The following IFFO1 variants were observed in gnomAD, a reference collection of about 807,000 sequenced individuals.
IFFO1 encodes non-homologous end joining factor IFFO1.
In IFFO1, 42 loss-of-function variants were observed where a neutral mutation model predicts 59.6. The ratio of observed to expected loss-of-function variants is 0.70; its 90% CI spans 0.55 to 0.91. The LOEUF is 0.91. IFFO1 is among the 40% of genes least tolerant of loss of function. IFFO1 has a pLI of 0.00. For missense variants in IFFO1, 711 were observed against 793.2 expected, an observed-to-expected ratio of 0.90 and a Z score of 1.24; for synonymous variants, 336 against 342.8, an observed-to-expected ratio of 0.98 and a Z score of 0.22.
In IFFO1 at chr12:6,550,764, C is replaced by A; in HGVS notation, c.861G>T (p.Gln287His). 1.2e-6 allele frequency: 2 copies of A among 1,614,216 alleles called. No individual in the cohort carries two copies. Among genetic ancestry groups the A allele is most frequent in the Non-Finnish European group, 1.7e-6 (2 of 1,180,024 alleles). ...QEEAQEADAC[Q>H]EELALKVEQL... Reference sequence around the variant, plus strand: ...GTTCCACCTTCAGTGCCAGCTCCTCCTGGCAGGCATCAGCCTCCTGGGCTT... The same window carrying A: ...GTTCCACCTTCAGTGCCAGCTCCTCATGGCAGGCATCAGCCTCCTGGGCTT... The change falls in exon 3 of 10, where the codon CAG becomes CAT. Residue 287 changes from glutamine to histidine, a missense_variant. Physicochemically the swap from Gln to His is conservative, Grantham distance 24 (BLOSUM62 0). Around this residue, in one of 3 missense-constraint regions of IFFO1, gnomAD observed 579 missense variants for 650.3 expected, o/e 0.89. Transcript: ENST00000619571.
rs930652091 is a variant in IFFO1 at position 6,540,343 on chromosome 12, G to T, written c.*140C>A. ...GGAGAAGCCAAGACTGAGGGAGAAAGCCTGAGGGAGGAGCGCCCCAGTCCC... is the reference window on the plus strand; with the variant it reads ...GGAGAAGCCAAGACTGAGGGAGAAATCCTGAGGGAGGAGCGCCCCAGTCCC... On this transcript the variant is annotated 3_prime_UTR_variant, in exon 10 of 10. Coordinates refer to ENST00000619571, the MANE Select transcript of IFFO1 (RefSeq NM_001193457.2). 1.3e-5 allele frequency: 9 copies of T among 717,830 alleles called. No homozygotes were observed. The Admixed American group carries it at 1.3e-4, about 10-fold the overall frequency. 44.5% of individuals were successfully genotyped at this position (717,830 alleles called of 1,614,324 possible).
At position 6,549,636 on chromosome 12, in the gene IFFO1, C is replaced by T. The variant is rs1947145280; in HGVS notation, c.1071+120G>A. On this transcript the variant is annotated intron_variant, in intron 4 of 9. Transcript: ENST00000619571. The surrounding 1 kb of genome is among the most constrained non-coding windows in gnomAD (Gnocchi z 5.0). The stretch of plus-strand genomic sequence containing the variant: ...ACCCCCCAGTCTAGCCCCGTGAGGG[C>T]CCCAGTTGCCAGGTAAGGCTCCCCA... 4.9e-6 allele frequency: 7 copies of T among 1,428,534 alleles called. No individual in the cohort carries two copies. In the Admixed American group the frequency reaches 9.4e-5, roughly 19 times the overall value. The allele number at this position is 1,428,534 out of a possible 1,614,324, so 88.5% of individuals were successfully genotyped here.
At chr12:6,542,263 C>G (rs1264172547) in intron 8 of IFFO1, among the ~76,000 whole-genome samples, 3 of 152,230 alleles carry the variant, frequency 2.0e-5, no homozygotes, top group Non-Finnish European at 4.4e-5. Context: ...GCCATTGATT[C>G]TGAGACCTGT....
rs905549172 is a variant in IFFO1 at position 6,551,491 on chromosome 12, C to T, written c.774-490G>A. On this transcript the variant is annotated intron_variant, in intron 1 of 9. Transcript: ENST00000619571. ...CCTGCCTCTTGTGGTATCATTTAAC[C>T]CTGTAAAAGCATCTGCAGGACACAT... 3 of 1,290,430 alleles carry T rather than the reference C, an allele frequency of 2.3e-6. No individual in the cohort carries two copies. The African/African-American group carries it at 4.6e-5, about 20-fold the overall frequency. 79.9% of individuals were successfully genotyped at this position (1,290,430 alleles called of 1,614,324 possible). A position where few individuals can be genotyped will look rare whatever the true frequency, so the allele number is the denominator to read the frequency against.
intron 1 of IFFO1, 140 bp from the exon 2 acceptor site, chr12:6,551,141 T>A: frequency 1.2e-6 from 1 of 823,244 alleles, no homozygotes; most frequent in Non-Finnish European, 1.9e-6. Flanking sequence ...GGCACAGGAA[T>A]GCCTGGCCAG....
Position 6,549,072 on chromosome 12 carries a change from GAGA to G in IFFO1, c.1081-226_1081-224del, listed in dbSNP as rs373080473. 480 of 582,462 alleles carry G rather than the reference GAGA, an allele frequency of 8.2e-4. 3 individuals are homozygous for G. Among genetic ancestry groups the G allele is most frequent in the African/African-American group, 6.7e-3 (360 of 53,502 alleles). 36.1% of individuals were successfully genotyped at this position (582,462 alleles called of 1,614,324 possible). A position where few individuals can be genotyped will look rare whatever the true frequency, so the allele number is the denominator to read the frequency against. ...CGAGAAGGCAGAACAAGAAGAAATC[GAGA>G]AGAAGAGCAGTCAGACAAGGAAGGA... On this transcript the variant is annotated intron_variant, in intron 5 of 9. Transcript: ENST00000619571. The surrounding 1 kb of genome is among the most constrained non-coding windows in gnomAD (Gnocchi z 5.0).
rs1356932350 is a variant in IFFO1 at position 6,549,177 on chromosome 12, T to C, written c.1080+299A>G. ...TTTTTCTAAAAAAAGTCTTTTTGAT[T>C]AAATGACTCAACTAAAAAAAAAAAA... On this transcript the variant is annotated intron_variant, in intron 5 of 9. Transcript: ENST00000619571. The surrounding 1 kb of genome is among the most constrained non-coding windows in gnomAD (Gnocchi z 5.0). 8.0e-6 allele frequency: 4 copies of C among 499,144 alleles called. No individual in the cohort carries two copies. Among genetic ancestry groups the C allele is most frequent in the Admixed American group, 7.8e-5 (2 of 25,764 alleles). The allele number at this position is 499,144 out of a possible 1,614,324, so 30.9% of individuals were successfully genotyped here.
Position 6,552,350 on chromosome 12 carries a change from T to C in IFFO1, c.774-1349A>G, listed in dbSNP as rs933572828. Among the ~76,000 whole-genome samples the C allele has an allele frequency of 1.2e-4, 18 of 152,216 alleles. No individual in the cohort carries two copies. In the East Asian group the frequency reaches 3.5e-3, roughly 29 times the overall value. ...GAGGCAGCCAGCCCAGCCACCACCC[T>C]GCTGGCTCCCCACACAGCCCAGCTC... On this transcript the variant is annotated intron_variant, in intron 1 of 9. Coordinates refer to ENST00000619571, the MANE Select transcript of IFFO1 (RefSeq NM_001193457.2).
rs578039031 is a variant in IFFO1 at position 6,540,518 on chromosome 12, C to T, written c.1681G>A (p.Asp561Asn). ...PPPPSEAEDS[D>N]RDVSSDSSMR ...GAGCTGTCAGATGAGACATCGCGAT[C>T]GGAGTCCTCAGCCTCGCTTGGCGGC... The change falls in exon 10 of 10, where the codon GAT becomes AAT. Residue 561 changes from aspartate to asparagine, a missense_variant. This residue lies in a region of IFFO1 where 579 missense variants were observed against 650.3 expected (regional missense o/e 0.89). Coordinates refer to ENST00000619571, the MANE Select transcript of IFFO1 (RefSeq NM_001193457.2). The T allele has an allele frequency of 4.8e-5, 78 of 1,614,096 alleles. 1 individual carries two copies. Among genetic ancestry groups the T allele is most frequent in the Admixed American group, 6.7e-5 (4 of 60,024 alleles).
In IFFO1 at chr12:6,550,508, G is replaced by C. The variant is rs1002523121; in HGVS notation, c.930+187C>G. On this transcript the variant is annotated intron_variant, in intron 3 of 9. Coordinates refer to ENST00000619571, the MANE Select transcript of IFFO1 (RefSeq NM_001193457.2). ...TCAGAAGCTGCGCCACCTCTGTGACGCAACACCGAGACTTTTGTTGCTTGT... is the reference window on the plus strand; with the variant it reads ...TCAGAAGCTGCGCCACCTCTGTGACCCAACACCGAGACTTTTGTTGCTTGT... 1.9e-5 allele frequency: 11 copies of C among 589,392 alleles called. No homozygotes were observed. The Admixed American group carries it at 3.0e-4, about 16-fold the overall frequency. 36.5% of individuals were successfully genotyped at this position (589,392 alleles called of 1,614,324 possible). A position where few individuals can be genotyped will look rare whatever the true frequency, so the allele number is the denominator to read the frequency against.
chr12:6,546,483 T>C (rs1484994917), intron 8 of IFFO1, among the ~76,000 whole-genome samples: 1 of 152,166 alleles, frequency 6.6e-6, no homozygotes, highest in East Asian at 1.9e-4. Flanking sequence ...CAAATCCTTC[T>C]TCCTTTGTTT....
chr12:6,549,830 G>A lies in IFFO1; in HGVS notation c.997C>T (p.Arg333Cys), dbSNP rs758037048. ...CAGAGCTTGGCGGTGATGTCGATGCGGCGGCAGATGTCCATATCCACCTTC... is the reference window on the plus strand; with the variant it reads ...CAGAGCTTGGCGGTGATGTCGATGCAGCGGCAGATGTCCATATCCACCTTC... ...AMKVDMDICR[R>C]IDITAKLCDV... The change falls in exon 4 of 10, where the codon CGC (arginine) becomes TGC (cysteine). Residue 333 changes from arginine (R) to cysteine (C), a missense_variant. Arg to Cys is a radical substitution (Grantham distance 180, BLOSUM62 -3). This residue lies in a region of IFFO1 where 579 missense variants were observed against 650.3 expected (regional missense o/e 0.89). Transcript: ENST00000619571. The surrounding 1 kb of genome is among the most constrained non-coding windows in gnomAD (Gnocchi z 5.0). 7.4e-6 allele frequency: 12 copies of A among 1,614,158 alleles called. No homozygotes were observed. The highest frequency in any genetic ancestry group is 2.2e-5 in the East Asian group (1 of 44,884).
chr12:6,540,667 C>T (rs1034950873), intron 9 of IFFO1, 79 bp from the exon 10 acceptor site: 2 of 1,194,468 alleles, frequency 1.7e-6, no homozygotes, highest in Non-Finnish European at 2.4e-6. Flanking sequence ...CCTGCTGCCT[C>T]ACCCTCTGGC....
rs1195112349 is a variant in IFFO1 at position 6,539,580 on chromosome 12, T to C, written c.*903A>G. ...TATTATTAAAGAATCCATTTGAATGTCAGCTCAACACAGCCTCCTATACCG... is the reference window on the plus strand; with the variant it reads ...TATTATTAAAGAATCCATTTGAATGCCAGCTCAACACAGCCTCCTATACCG... On this transcript the variant is annotated 3_prime_UTR_variant, in exon 10 of 10. Coordinates refer to ENST00000619571, the MANE Select transcript of IFFO1 (RefSeq NM_001193457.2). The C allele has an allele frequency of 6.6e-6, 1 of 152,210 alleles. No individual in the cohort carries two copies. Among genetic ancestry groups the C allele is most frequent in the Middle Eastern group, 3.2e-3 (1 of 316 alleles). 9.4% of individuals were successfully genotyped at this position (152,210 alleles called of 1,614,324 possible).
At position 6,548,324 on chromosome 12, in the gene IFFO1, G is replaced by A; in HGVS notation, c.1383+101C>T. On this transcript the variant is annotated intron_variant, in intron 7 of 9. Coordinates refer to ENST00000619571, the MANE Select transcript of IFFO1 (RefSeq NM_001193457.2). The surrounding 1 kb of genome is among the most constrained non-coding windows in gnomAD (Gnocchi z 6.1). ...AAGAGGGGAGACGCAGGTAGAGGAT[G>A]ACAGCCACATGGGGGGACAGAGCAA... The A allele has an allele frequency of 1.4e-6, 2 of 1,432,644 alleles. No homozygotes were observed. Among genetic ancestry groups the A allele is most frequent in the Non-Finnish European group, 1.9e-6 (2 of 1,035,978 alleles). 88.7% of individuals were successfully genotyped at this position (1,432,644 alleles called of 1,614,324 possible).
chr12:6,550,144 C>G, intron 3 of IFFO1: 1 of 461,056 alleles, frequency 2.2e-6, no homozygotes, highest in Non-Finnish European at 3.9e-6. Context: ...GAGGGCATGG[C>G]CAGTGCCTGG....
rs1210507327 is a variant in IFFO1, at chr12:6,549,464, G to T, written c.1080+12C>A. 6.2e-7 allele frequency: 1 copy of T among 1,613,694 alleles called. No homozygotes were observed. The highest frequency in any genetic ancestry group is 8.5e-7 in the Non-Finnish European group (1 of 1,179,740). ...CTGGGACATTAATAAGCTTGCGTGA[G>T]ATCAAACTAACCAGCTTCTTCTGTG... On this transcript the variant is annotated intron_variant, in intron 5 of 9. Transcript: ENST00000619571. This position sits in a 1 kb window ranked among gnomAD's most constrained non-coding sequence, Gnocchi z 5.0.
In IFFO1 at chr12:6,552,399, C is replaced by T. The variant is rs143907279; in HGVS notation, c.774-1398G>A. Reference sequence around the variant, plus strand: ...TCCCAGCCTTCCTGGCTCCCAGCCCCCTTCCCTGTGTGTCCCGTAGGTGCT... The same window carrying T: ...TCCCAGCCTTCCTGGCTCCCAGCCCTCTTCCCTGTGTGTCCCGTAGGTGCT... On this transcript the variant is annotated intron_variant, in intron 1 of 9. Coordinates refer to ENST00000619571, the MANE Select transcript of IFFO1 (RefSeq NM_001193457.2). Among the ~76,000 whole-genome samples the T allele has an allele frequency of 6.6e-4, 101 of 152,362 alleles. No individual in the cohort carries two copies. The Middle Eastern group carries it at 0.01, about 15-fold the overall frequency.
chr12:6,548,833 G>A lies in IFFO1; in HGVS notation c.1097C>T (p.Pro366Leu). The A allele has an allele frequency of 1.2e-6, 2 of 1,611,794 alleles. No individual in the cohort carries two copies. The highest frequency in any genetic ancestry group is 1.7e-6 in the Non-Finnish European group (2 of 1,179,060). Residue 366 changes from proline to leucine, a missense_variant, in exon 6 of 10, where the codon CCC becomes CTC. Pro to Leu is a moderately conservative substitution (Grantham distance 98, BLOSUM62 -3). Around this residue, in one of 3 missense-constraint regions of IFFO1, gnomAD observed 579 missense variants for 650.3 expected, o/e 0.89. Transcript: ENST00000619571. The surrounding 1 kb of genome is among the most constrained non-coding windows in gnomAD (Gnocchi z 6.1). ...FQKKLSLHLS[P>L]IKVPSMGGRK... ...CCCCCCCATGGATGGGACCTTAATGGGAGACAAGTGCAGAGACTACAGAGA... is the reference window on the plus strand; with the variant it reads ...CCCCCCCATGGATGGGACCTTAATGAGAGACAAGTGCAGAGACTACAGAGA...
Sources: allele counts gnomAD v4.1 joint callset (sites outside exome capture counted in the v4.1 genomes callset), GRCh38; gene constraint gnomAD v4.1.1; regional missense constraint gnomAD v4.1.1; non-coding constraint Gnocchi (gnomAD v3.1); transcripts MANE v1.5; gene names NCBI Gene and HGNC (gene_info 2026-07-23, HGNC 2026-07-21).